The following CCDC192 variants were observed in gnomAD, a reference collection of about 807,000 sequenced individuals.
CCDC192 encodes coiled-coil domain containing 192, also known as coiled-coil domain-containing protein 192.
intron 5 of CCDC192, among the ~76,000 whole-genome samples, chr5:127,820,491 A>T (rs965008159): frequency 8.5e-5 from 13 of 152,216 alleles, no homozygotes; most frequent in Non-Finnish European, 1.5e-4. Flanking sequence ...CTGAGGCAGG[A>T]GAATCGCTTG....
intron 6 of CCDC192, among the ~76,000 whole-genome samples, chr5:127,903,546 G>A (rs539923757): frequency 3.3e-5 from 5 of 152,264 alleles, no homozygotes; most frequent in South Asian, 2.1e-4. Context: ...CCCAGTCTTT[G>A]AGGAATTTTT....
intron 6 of CCDC192, among the ~76,000 whole-genome samples, chr5:127,894,452 A>C (rs1326682938): frequency 6.6e-6 from 1 of 152,050 alleles, no homozygotes; most frequent in Non-Finnish European, 1.5e-5. Context: ...CGGCCTCCCA[A>C]AGTGCTAGGA....
chr5:127,835,579 A>G (rs1447681064), intron 5 of CCDC192, among the ~76,000 whole-genome samples: 1 of 152,192 alleles, frequency 6.6e-6, no homozygotes, highest in Non-Finnish European at 1.5e-5. Context: ...TGGGTAATTT[A>G]TAAAGGAAAG....
chr5:127,873,251 T>C (rs1233992886), intron 5 of CCDC192, among the ~76,000 whole-genome samples: 1 of 152,190 alleles, frequency 6.6e-6, no homozygotes, highest in Admixed American at 6.5e-5. Flanking sequence ...TATCTGCATA[T>C]GAATAGTTGT....
intron 6 of CCDC192, among the ~76,000 whole-genome samples, chr5:127,926,918 T>C (rs1753878284): frequency 6.6e-6 from 1 of 151,934 alleles, no homozygotes; most frequent in Admixed American, 6.6e-5. Flanking sequence ...GGCAGAAAGT[T>C]TGGAGAAAAA....
chr5:127,747,172 C>T (rs867734049), intron 2 of CCDC192, among the ~76,000 whole-genome samples: 25 of 150,928 alleles, frequency 1.7e-4, no homozygotes, highest in South Asian at 6.3e-4. Context: ...TAGTTACATA[C>T]GTATACATGT....
intron 3 of CCDC192, among the ~76,000 whole-genome samples, chr5:127,780,125 A>G (rs1160403530): frequency 1.3e-5 from 2 of 152,056 alleles, no homozygotes; most frequent in Non-Finnish European, 2.9e-5. Context: ...ATATATACAT[A>G]CACACACATA....
intron 5 of CCDC192, among the ~76,000 whole-genome samples, chr5:127,869,581 T>G (rs529177773): frequency 6.6e-6 from 1 of 152,220 alleles, no homozygotes; most frequent in African/African-American, 2.4e-5. Flanking sequence ...TTATCTTGTA[T>G]TAATTTGAAG....
At chr5:127,766,628 A>C (rs1388376938) in intron 3 of CCDC192, among the ~76,000 whole-genome samples, 1 of 150,536 alleles carries the variant, frequency 6.6e-6, no homozygotes, top group Non-Finnish European at 1.5e-5. Context: ...AAAAAAAAAA[A>C]AAAAAAGTAC....
chr5:127,825,344 A>C (rs1332998914), intron 5 of CCDC192, among the ~76,000 whole-genome samples: 1 of 152,232 alleles, frequency 6.6e-6, no homozygotes, highest in Non-Finnish European at 1.5e-5. Flanking sequence ...AACTCTGAGT[A>C]GAAATATCTC....
chr5:127,898,357 C>T (rs1752950841), intron 6 of CCDC192, among the ~76,000 whole-genome samples: 1 of 152,172 alleles, frequency 6.6e-6, no homozygotes, highest in South Asian at 2.1e-4. Context: ...GATCCGCCCA[C>T]CTCAGCATCC....
chr5:127,901,579 G>T (rs1311523442), intron 6 of CCDC192, among the ~76,000 whole-genome samples: 1 of 152,140 alleles, frequency 6.6e-6, no homozygotes, highest in East Asian at 1.9e-4. Context: ...ATCCCTGAGG[G>T]ATGGAGAGAA....
At chr5:127,721,118 G>T (rs1178637506) in intron 2 of CCDC192, among the ~76,000 whole-genome samples, 1 of 152,190 alleles carries the variant, frequency 6.6e-6, no homozygotes, top group Non-Finnish European at 1.5e-5. Context: ...CGGAAAACGG[G>T]TTTTTCTTTT....
intron 5 of CCDC192, among the ~76,000 whole-genome samples, chr5:127,855,746 C>A (rs1194591948): frequency 6.6e-6 from 1 of 152,192 alleles, no homozygotes; most frequent in Non-Finnish European, 1.5e-5. Context: ...GGCATGAGAA[C>A]AACATTAATC....
intron 2 of CCDC192, among the ~76,000 whole-genome samples, chr5:127,747,096 TTTTA>T (rs1390851178): frequency 4.0e-4 from 61 of 151,464 alleles, no homozygotes; most frequent in African/African-American, 7.8e-4. Flanking sequence ...CTTGTTTCTT[TTTTA>T]TTTATTTATT....
intron 3 of CCDC192, among the ~76,000 whole-genome samples, chr5:127,795,163 G>A (rs989858075): frequency 6.6e-6 from 1 of 151,922 alleles, no homozygotes; most frequent in Non-Finnish European, 1.5e-5. Context: ...GGTGGTGTGA[G>A]CCTGTAGTCC....
At chr5:127,938,989 ACTCT>A (rs992406864) in intron 6 of CCDC192, among the ~76,000 whole-genome samples, 5 of 151,440 alleles carry the variant, frequency 3.3e-5, no homozygotes, top group Non-Finnish European at 7.4e-5. Context: ...TGCCATATGG[ACTCT>A]CTCTCCTGGG....
chr5:127,772,367 G>A (rs961772442), intron 3 of CCDC192, among the ~76,000 whole-genome samples: 4 of 151,574 alleles, frequency 2.6e-5, no homozygotes, highest in Non-Finnish European at 5.9e-5. Context: ...GCTGGAGCAG[G>A]AGAATCACTT....
intron 2 of CCDC192, among the ~76,000 whole-genome samples, chr5:127,713,358 A>G (rs189075796): frequency 5.9e-5 from 9 of 152,292 alleles, no homozygotes; most frequent in African/African-American, 1.9e-4. Context: ...CCATCCTTCA[A>G]TCTTATTTAG....
Sources: gnomAD v4.1 joint callset for allele counts (sites outside exome capture counted in the v4.1 genomes callset) on GRCh38, gnomAD v4.1.1 for gene constraint, MANE v1.5 for transcripts, NCBI Gene and HGNC (gene_info 2026-07-23, HGNC 2026-07-21) for gene names.